SDK1: variants seen among roughly 807,000 people sequenced by gnomAD.
SDK1 encodes protein sidekick-1.
SDK1 carries 157 observed loss-of-function variants against 245.5 expected under a neutral mutation model. The ratio of observed to expected loss-of-function variants is 0.64; its 90% CI spans 0.56 to 0.73. The LOEUF (loss-of-function observed/expected upper bound fraction) is 0.73. SDK1 is among the 30% of genes least tolerant of loss of function. SDK1 has a pLI of 0.00. For synonymous variants in SDK1, 1,647 were observed against 1,278.5 expected, an observed-to-expected ratio of 1.29 and a Z score of -6.15; for missense variants, 3,583 against 3,002.3, an observed-to-expected ratio of 1.19 and a Z score of -4.52.
At chr7:3,475,462 C>T (rs1387204031) in intron 1 of SDK1, among the ~76,000 whole-genome samples, 1 of 152,226 alleles carries the variant, frequency 6.6e-6, no homozygotes, top group African/African-American at 2.4e-5. Context: ...TCACTTGGTG[C>T]TGCGATGACT....
At chr7:4,186,418 G>C (rs1378664463) in intron 35 of SDK1, among the ~76,000 whole-genome samples, 1 of 152,224 alleles carries the variant, frequency 6.6e-6, no homozygotes, top group Non-Finnish European at 1.5e-5. Context: ...GCCAGAGTTA[G>C]TGGCAGCTGC....
At chr7:3,413,524 G>C (rs148616247) in intron 1 of SDK1, among the ~76,000 whole-genome samples, 1 of 151,902 alleles carries the variant, frequency 6.6e-6, no homozygotes, top group African/African-American at 2.4e-5. Flanking sequence ...GTGAAACTCC[G>C]TCTCTACTAA....
chr7:3,702,019 A>C (rs1719378773), intron 4 of SDK1, among the ~76,000 whole-genome samples: 1 of 152,104 alleles, frequency 6.6e-6, no homozygotes, highest in South Asian at 2.1e-4. Flanking sequence ...TGTTGGATTA[A>C]GTGTGAAATG....
chr7:3,911,313 A>G (rs894962596), intron 5 of SDK1, among the ~76,000 whole-genome samples: 10 of 152,104 alleles, frequency 6.6e-5, no homozygotes, highest in Non-Finnish European at 4.4e-5. Flanking sequence ...TAGGCAGCCT[A>G]CTGTCTTTGT....
intron 1 of SDK1, among the ~76,000 whole-genome samples, chr7:3,421,893 G>C (rs1232765109): frequency 1.3e-5 from 2 of 152,150 alleles, no homozygotes; most frequent in Non-Finnish European, 2.9e-5. Flanking sequence ...AAGTGGGCCA[G>C]ATGCAGTGGC....
intron 5 of SDK1, among the ~76,000 whole-genome samples, chr7:3,853,861 C>T (rs940956966): frequency 6.6e-6 from 1 of 152,024 alleles, no homozygotes; most frequent in African/African-American, 2.4e-5. Context: ...TGGTGGCGCA[C>T]CCCTGTAGTC....
chr7:3,608,132 A>G (rs1055663921), intron 1 of SDK1, among the ~76,000 whole-genome samples: 9 of 152,256 alleles, frequency 5.9e-5, no homozygotes, highest in African/African-American at 2.2e-4. Flanking sequence ...CCACACACCT[A>G]TGAGTAAAAA....
At chr7:3,469,914 G>C (rs984715116) in intron 1 of SDK1, among the ~76,000 whole-genome samples, 2 of 152,244 alleles carry the variant, frequency 1.3e-5, no homozygotes, top group Admixed American at 6.5e-5. Context: ...GCTAGTCAAT[G>C]GTTTCATCCT....
At chr7:3,632,533 A>G (rs1782327663) in intron 2 of SDK1, among the ~76,000 whole-genome samples, 1 of 150,678 alleles carries the variant, frequency 6.6e-6, no homozygotes, top group Non-Finnish European at 1.5e-5. Flanking sequence ...TATTCCCAAA[A>G]CCAGTGCTAC....
At chr7:3,500,282 T>C (rs1399185706) in intron 1 of SDK1, among the ~76,000 whole-genome samples, 1 of 152,210 alleles carries the variant, frequency 6.6e-6, no homozygotes, top group Non-Finnish European at 1.5e-5. Context: ...CCCTATTTTC[T>C]CCTTCTTGGA....
chr7:3,990,488 C>T (rs968528735), intron 14 of SDK1, among the ~76,000 whole-genome samples: 3 of 152,208 alleles, frequency 2.0e-5, no homozygotes, highest in Non-Finnish European at 2.9e-5. Flanking sequence ...TCTGAGAGTA[C>T]AGAAGAGTTT....
chr7:3,933,238 G>A (rs1395426795), intron 5 of SDK1, among the ~76,000 whole-genome samples: 7 of 147,740 alleles, frequency 4.7e-5, no homozygotes, highest in African/African-American at 7.6e-5. Flanking sequence ...AGACTCCTGA[G>A]TAGCTGGGAC....
chr7:3,559,040 G>A (rs1779671672), intron 1 of SDK1, among the ~76,000 whole-genome samples: 1 of 152,160 alleles, frequency 6.6e-6, no homozygotes, highest in African/African-American at 2.4e-5. Flanking sequence ...CATACAGGAT[G>A]TATTTTTTTG....
At chr7:3,671,682 T>C (rs1783705964) in intron 4 of SDK1, among the ~76,000 whole-genome samples, 2 of 152,224 alleles carry the variant, frequency 1.3e-5, no homozygotes, top group Admixed American at 6.5e-5. Flanking sequence ...ACACTTTTCA[T>C]TGTAGATGTT....
chr7:4,051,088 A>C (rs1470515157), intron 18 of SDK1, among the ~76,000 whole-genome samples: 1 of 140,530 alleles, frequency 7.1e-6, no homozygotes, highest in African/African-American at 2.6e-5. Flanking sequence ...TATATAGTAT[A>C]CTATATGTGT....
intron 22 of SDK1, among the ~76,000 whole-genome samples, chr7:4,105,174 G>A (rs1452251065): frequency 6.6e-6 from 1 of 151,854 alleles, no homozygotes; most frequent in Non-Finnish European, 1.5e-5. Flanking sequence ...GCAGAGACGG[G>A]GTTTCACCAT....
rs533491793 is a variant in SDK1, at chr7:4,100,689, G to A, written c.3325-9974G>A. 2.7e-3 allele frequency among the ~76,000 whole-genome samples: 409 copies of A among 152,304 alleles called. 2 individuals are homozygous for A. The highest frequency in any genetic ancestry group is 4.0e-3 in the Non-Finnish European group (270 of 68,014). On this transcript the variant is annotated intron_variant, in intron 22 of 44. Coordinates refer to ENST00000404826, the MANE Select transcript of SDK1 (RefSeq NM_152744.4). ...CCCTGGTCCCTTCAGTCCCAGCGCT[G>A]TGAGGAAATGAACTCCCATTGCTTG...
intron 5 of SDK1, among the ~76,000 whole-genome samples, chr7:3,934,234 T>G (rs1305579182): frequency 6.6e-6 from 1 of 152,264 alleles, no homozygotes; most frequent in Non-Finnish European, 1.5e-5. Flanking sequence ...AGATACACTT[T>G]CTGAACAGAC....
chr7:3,575,390 C>A (rs1421771843), intron 1 of SDK1, among the ~76,000 whole-genome samples: 2 of 152,042 alleles, frequency 1.3e-5, no homozygotes, highest in Non-Finnish European at 2.9e-5. Flanking sequence ...AAGGTCCTAT[C>A]TCCAAAGGCC....
Sources: allele counts gnomAD v4.1 joint callset (sites outside exome capture counted in the v4.1 genomes callset), GRCh38; gene constraint gnomAD v4.1.1; transcripts MANE v1.5; gene names NCBI Gene and HGNC (gene_info 2026-07-23, HGNC 2026-07-21).